Variants in CDH18 observed in about 807,000 individuals in gnomAD.
The protein encoded by CDH18 is cadherin 18, also known as cadherin-18.
CDH18 carries 31 observed loss-of-function variants against 67.9 expected under a neutral mutation model. The ratio of observed to expected loss-of-function variants is 0.46; its 90% CI spans 0.34 to 0.62. The LOEUF (loss-of-function observed/expected upper bound fraction) is 0.62. Among genes scored for constraint, CDH18 ranks in the 20% least tolerant of loss-of-function variants. The pLI, the probability that CDH18 is intolerant of heterozygous loss-of-function variation, is 0.01. For missense variants in CDH18, 890 were observed against 975.5 expected, an observed-to-expected ratio of 0.91 and a Z score of 1.17; for synonymous variants, 362 against 347.2, an observed-to-expected ratio of 1.04 and a Z score of -0.48.
At chr5:20,074,240 GT>G (rs898601943) in intron 2 of CDH18, among the ~76,000 whole-genome samples, 2 of 152,016 alleles carry the variant, frequency 1.3e-5, no homozygotes, top group Non-Finnish European at 2.9e-5. Context: ...TTGAATGCCT[GT>G]TACCGTAATA....
At chr5:20,242,219 C>T (rs1363291264) in intron 2 of CDH18, among the ~76,000 whole-genome samples, 1 of 151,820 alleles carries the variant, frequency 6.6e-6, no homozygotes, top group Non-Finnish European at 1.5e-5. Flanking sequence ...TATATGTTTA[C>T]AATGTGGAAT....
chr5:19,521,358 A>G (rs1746875473), intron 9 of CDH18, among the ~76,000 whole-genome samples: 1 of 152,194 alleles, frequency 6.6e-6, no homozygotes, highest in South Asian at 2.1e-4. Flanking sequence ...CGTAGATATC[A>G]AAATATATTC....
intron 2 of CDH18, among the ~76,000 whole-genome samples, chr5:20,183,349 A>G (rs1210668448): frequency 6.6e-6 from 1 of 152,076 alleles, no homozygotes; most frequent in Non-Finnish European, 1.5e-5. Flanking sequence ...TAACAGATTT[A>G]CCAGAATAAT....
chr5:20,079,269 T>A (rs1319764246), intron 2 of CDH18, among the ~76,000 whole-genome samples: 4 of 152,158 alleles, frequency 2.6e-5, no homozygotes, highest in Non-Finnish European at 4.4e-5. Flanking sequence ...AATACTTCCA[T>A]GAGTTTGACG....
intron 2 of CDH18, among the ~76,000 whole-genome samples, chr5:19,852,866 C>T (rs1202455168): frequency 2.0e-5 from 3 of 152,110 alleles, no homozygotes; most frequent in East Asian, 1.9e-4. Context: ...CCAGAGCAAC[C>T]GGTGGCCTTC....
At chr5:19,915,290 T>C (rs1192406885) in intron 2 of CDH18, among the ~76,000 whole-genome samples, 4 of 152,136 alleles carry the variant, frequency 2.6e-5, no homozygotes, top group Non-Finnish European at 1.5e-5. Flanking sequence ...CAATTTACAT[T>C]CTTTCTTCTG....
intron 2 of CDH18, among the ~76,000 whole-genome samples, chr5:19,944,912 A>G (rs1461783274): frequency 6.6e-6 from 1 of 152,126 alleles, no homozygotes; most frequent in Non-Finnish European, 1.5e-5. Context: ...ATTTACCATT[A>G]CATTTGAATT....
chr5:20,081,312 G>C (rs1407867670), intron 2 of CDH18, among the ~76,000 whole-genome samples: 1 of 152,078 alleles, frequency 6.6e-6, no homozygotes, highest in African/African-American at 2.4e-5. Context: ...ACTTATTCTA[G>C]TTAGTTAGAT....
At chr5:20,378,819 T>C (rs557454618) in intron 1 of CDH18, among the ~76,000 whole-genome samples, 2 of 152,244 alleles carry the variant, frequency 1.3e-5, no homozygotes, top group Admixed American at 1.3e-4. Context: ...TTGGGTCTTA[T>C]TTAGCCTGAA....
In CDH18 at chr5:19,877,072, C is replaced by A. The variant is rs562177567; in HGVS notation, c.-256-37830G>T. ...CCCCCAATGACTATGAAAACAAAGA[C>A]CCTCACCATGCACAACAGACTTCAA... On this transcript the variant is annotated intron_variant, in intron 2 of 12. Transcript: ENST00000382275. 9.9e-5 allele frequency among the ~76,000 whole-genome samples: 15 copies of A among 152,194 alleles called. No homozygotes were observed. In the East Asian group the frequency reaches 2.7e-3, roughly 27 times the overall value.
intron 12 of CDH18, among the ~76,000 whole-genome samples, chr5:19,474,609 A>T: frequency 6.6e-6 from 1 of 152,130 alleles, no homozygotes; most frequent in East Asian, 1.9e-4. Context: ...AATAACCAAG[A>T]TCAAAAGATA....
rs562058548 is a variant in CDH18 at position 19,880,847 on chromosome 5, C to G, written c.-256-41605G>C. Among the ~76,000 whole-genome samples the G allele has an allele frequency of 2.6e-3, 396 of 152,234 alleles. 1 individual carries two copies. Among genetic ancestry groups the G allele is most frequent in the Non-Finnish European group, 4.4e-3 (296 of 67,998 alleles). On this transcript the variant is annotated intron_variant, in intron 2 of 12. Transcript: ENST00000382275. ...CTCAGAAACTTTCCAAATAAAGATGCCATTAACTCTCAAAAGGAATGTTTC... is the reference window on the plus strand; with the variant it reads ...CTCAGAAACTTTCCAAATAAAGATGGCATTAACTCTCAAAAGGAATGTTTC...
chr5:20,061,534 G>C (rs561441216), intron 2 of CDH18, among the ~76,000 whole-genome samples: 1 of 152,114 alleles, frequency 6.6e-6, no homozygotes, highest in Non-Finnish European at 1.5e-5. Flanking sequence ...GAACTTGTTT[G>C]ATGTACATGC....
intron 3 of CDH18, among the ~76,000 whole-genome samples, chr5:19,751,600 T>C (rs1770851975): frequency 6.6e-6 from 1 of 152,168 alleles, no homozygotes; most frequent in South Asian, 2.1e-4. Flanking sequence ...ATTCTTAAAG[T>C]ATAGGCAAAT....
Position 20,308,831 on chromosome 5 carries a change from CTAGATA to C in CDH18, c.-579-53332_-579-53327del, listed in dbSNP as rs547969304. ...CATTGAAAACCAAGGTCAGATATACCTAGATATAGACAATTATGTGGCATTTTCTCT... is the reference window on the plus strand; with the variant it reads ...CATTGAAAACCAAGGTCAGATATACCTAGACAATTATGTGGCATTTTCTCT... On this transcript the variant is annotated intron_variant, in intron 1 of 14. Coordinates refer to the CDH18 transcript ENST00000507958. Among the ~76,000 whole-genome samples, 781 of 152,146 alleles carry C rather than the reference CTAGATA, an allele frequency of 5.1e-3. 4 individuals carry two copies. The highest frequency in any genetic ancestry group is 0.026 in the South Asian group (126 of 4,812).
At chr5:19,518,652 T>C (rs1466605) in intron 10 of CDH18, among the ~76,000 whole-genome samples, 15,081 of 152,132 alleles carry the variant, frequency 0.099, 1,005 homozygotes, top group Non-Finnish European at 0.13. Context: ...CTCTTCAGAT[T>C]TGGATTCTTG....
intron 5 of CDH18, among the ~76,000 whole-genome samples, chr5:19,667,672 T>C (rs1758160353): frequency 1.3e-5 from 2 of 151,752 alleles, no homozygotes; most frequent in South Asian, 4.2e-4. Flanking sequence ...ATTACACAAA[T>C]GTTTATTCTA....
intron 5 of CDH18, among the ~76,000 whole-genome samples, chr5:19,631,767 G>A (rs1289500170): frequency 1.3e-5 from 2 of 152,114 alleles, no homozygotes; most frequent in African/African-American, 4.8e-5. Flanking sequence ...GCATTTATAT[G>A]TGTAATGAAC....
intron 3 of CDH18, among the ~76,000 whole-genome samples, chr5:19,785,284 A>G (rs1049785858): frequency 6.6e-6 from 1 of 151,982 alleles, no homozygotes; most frequent in East Asian, 1.9e-4. Flanking sequence ...CCATCACATA[A>G]TATTTTTCAG....
Sources: allele counts gnomAD v4.1 joint callset (sites outside exome capture counted in the v4.1 genomes callset), GRCh38; gene constraint gnomAD v4.1.1; transcripts MANE v1.5; gene names NCBI Gene and HGNC (gene_info 2026-07-23, HGNC 2026-07-21).